The following SERPINB10 variants were observed in gnomAD, a reference collection of about 807,000 sequenced individuals.
SERPINB10 encodes serpin B10.
In SERPINB10, 35 loss-of-function variants were observed where a neutral mutation model predicts 39.1. The ratio of observed to expected loss-of-function variants is 0.90; its 90% CI spans 0.68 to 1.19. SERPINB10 has a LOEUF of 1.19. SERPINB10 is among the 50% of genes most tolerant of loss of function. The pLI, the probability that SERPINB10 is intolerant of heterozygous loss-of-function variation, is 0.00. For synonymous variants in SERPINB10, 190 were observed against 158.1 expected, an observed-to-expected ratio of 1.20 and a Z score of -1.52; for missense variants, 546 against 460.5, an observed-to-expected ratio of 1.19 and a Z score of -1.70.
At chr18:63,919,702 C>T in intron 4 of SERPINB10, 86 bp from the exon 5 acceptor site, 1 of 885,062 alleles carries the variant, frequency 1.1e-6, no homozygotes, top group East Asian at 2.7e-5. Context: ...TGCCCGCCTA[C>T]CTAGTTCTTT....
chr18:63,933,429 A>G (rs2050238648), intron 7 of SERPINB10, among the ~76,000 whole-genome samples: 1 of 152,310 alleles, frequency 6.6e-6, no homozygotes, highest in South Asian at 2.1e-4. Context: ...TGTTCCTCAG[A>G]AAGGTTAGGC....
intron 1 of SERPINB10, among the ~76,000 whole-genome samples, chr18:63,908,700 G>A (rs2144714540): frequency 6.6e-6 from 1 of 152,148 alleles, no homozygotes; most frequent in East Asian, 1.9e-4. Context: ...TAGGTGAATA[G>A]AGAGGTGCTG....
At chr18:63,918,463 A>T (rs1286405610) in intron 4 of SERPINB10, among the ~76,000 whole-genome samples, 7 of 152,018 alleles carry the variant, frequency 4.6e-5, no homozygotes, top group Non-Finnish European at 1.0e-4. Context: ...TGGGAACATG[A>T]AACATGAAAT....
At chr18:63,909,316 G>T (rs1322409559) in intron 1 of SERPINB10, among the ~76,000 whole-genome samples, 1 of 151,896 alleles carries the variant, frequency 6.6e-6, no homozygotes, top group African/African-American at 2.4e-5. Context: ...AAATATAATT[G>T]TCCAACATTT....
In SERPINB10 at chr18:63,930,177, G is replaced by A. The variant is rs1345265685; in HGVS notation, c.623G>A (p.Arg208Lys). 1 of 1,612,462 alleles carries A rather than the reference G, an allele frequency of 6.2e-7. No individual in the cohort carries two copies. The highest frequency in any genetic ancestry group is 8.5e-7 in the Non-Finnish European group (1 of 1,179,254). ...CAAAACACCACAGAAAAGCCTTTTA[G>A]AATAAACGAGGTAGGAAATTTTTAA... ...LVQNTTEKPF[R>K]INETTSKPVQ... The change falls in exon 6 of 8, where the codon AGA (arginine) becomes AAA (lysine). Residue 208 changes from arginine (R) to lysine (K), a missense_variant. By Grantham distance (26) the Arg-to-Lys change is conservative. Transcript: ENST00000238508.
rs145346731 is a variant in SERPINB10, at chr18:63,919,830, C to T, written c.415C>T (p.Gln139Ter). The change falls in exon 5 of 8, where the codon CAG becomes TAG. Residue 139 changes from glutamine (Q) to a stop codon, truncating the protein, a stop_gained. Transcript: ENST00000238508. LOFTEE classifies it high-confidence loss of function. The part of the protein sequence containing the change: ...DMKTYFGAEP[Q>*]PVNFVEASDQ... Reference sequence around the variant, plus strand: ...GAAAACATATTTTGGTGCAGAACCTCAGCCTGTTAACTTTGTGGAAGCTTC... The same window carrying T: ...GAAAACATATTTTGGTGCAGAACCTTAGCCTGTTAACTTTGTGGAAGCTTC... The T allele has an allele frequency of 1.3e-3, 2,155 of 1,609,300 alleles. 5 individuals are homozygous for T. The highest frequency in any genetic ancestry group is 1.6e-3 in the Non-Finnish European group (1,895 of 1,177,732).
At chr18:63,919,274 T>C (rs1186644405) in intron 4 of SERPINB10, among the ~76,000 whole-genome samples, 4 of 148,140 alleles carry the variant, frequency 2.7e-5, no homozygotes, top group African/African-American at 7.6e-5. Context: ...TAATATAACA[T>C]TCAACTCTGC....
chr18:63,920,039 A>G, intron 5 of SERPINB10, 134 bp downstream of exon 5: 1 of 485,592 alleles, frequency 2.1e-6, no homozygotes, highest in East Asian at 3.8e-5. Context: ...CAGAACATTT[A>G]TTTCTATTCA....
At chr18:63,911,842 A>G in intron 1 of SERPINB10, among the ~76,000 whole-genome samples, 1 of 152,106 alleles carries the variant, frequency 6.6e-6, no homozygotes, top group Non-Finnish European at 1.5e-5. Context: ...TGGAAATAGC[A>G]TTCCATCCGA....
intron 5 of SERPINB10, among the ~76,000 whole-genome samples, chr18:63,927,098 A>T (rs930267455): frequency 2.4e-4 from 37 of 151,472 alleles, no homozygotes; most frequent in Middle Eastern, 3.4e-3. Context: ...ATCTCATCTA[A>T]TTTTTTTTGC....
intron 5 of SERPINB10, among the ~76,000 whole-genome samples, chr18:63,924,046 T>G (rs777914838): frequency 6.6e-6 from 1 of 152,026 alleles, no homozygotes; most frequent in Non-Finnish European, 1.5e-5. Flanking sequence ...TATTGTTAAG[T>G]CTTTTTGCTG....
At position 63,914,152 on chromosome 18, in the gene SERPINB10, G is replaced by A. The variant is rs374533830; in HGVS notation, c.-9-1350G>A. Reference sequence around the variant, plus strand: ...TCCAACCACTTAGTTTAAGCCTATGGGTGTTATTACATGTGAAATGGGTCT... The same window carrying A: ...TCCAACCACTTAGTTTAAGCCTATGAGTGTTATTACATGTGAAATGGGTCT... On this transcript the variant is annotated intron_variant, in intron 1 of 7. Coordinates refer to ENST00000238508, the MANE Select transcript of SERPINB10 (RefSeq NM_005024.3). 9.2e-5 allele frequency among the ~76,000 whole-genome samples: 14 copies of A among 151,988 alleles called. 1 individual carries two copies. The highest frequency in any genetic ancestry group is 7.2e-4 in the Admixed American group (11 of 15,238).
chr18:63,932,805 T>G (rs998170250), intron 6 of SERPINB10, among the ~76,000 whole-genome samples: 1 of 152,262 alleles, frequency 6.6e-6, no homozygotes, highest in Non-Finnish European at 1.5e-5. Flanking sequence ...TACATGTTGC[T>G]GTGATTTATA....
chr18:63,921,984 C>A (rs1215237063), intron 5 of SERPINB10, among the ~76,000 whole-genome samples: 1 of 151,814 alleles, frequency 6.6e-6, no homozygotes, highest in Non-Finnish European at 1.5e-5. Context: ...GGCTAAACAT[C>A]CTCCTCTTTG....
At chr18:63,915,014 T>C (rs2050091057) in intron 1 of SERPINB10, among the ~76,000 whole-genome samples, 2 of 152,096 alleles carry the variant, frequency 1.3e-5, no homozygotes, top group Non-Finnish European at 2.9e-5. Context: ...TTAAAAATGG[T>C]AGTTACAGCC....
At chr18:63,932,925 C>A in intron 6 of SERPINB10, 123 bp from the exon 7 acceptor site, 3 of 854,444 alleles carry the variant, frequency 3.5e-6, no homozygotes, top group South Asian at 1.7e-5. Flanking sequence ...CTTTATTCAG[C>A]ATTTAGCAGA....
chr18:63,935,414 A>G lies in SERPINB10; in HGVS notation c.*172A>G. ...ATTCTAATGATCCTGTCATATCTGT[A>G]CAGCTGGAGAGAATGACGATTTTTA... On this transcript the variant is annotated 3_prime_UTR_variant, in exon 8 of 8. Transcript: ENST00000238508. The G allele has an allele frequency of 1.7e-6, 1 of 605,112 alleles. No individual in the cohort carries two copies. The highest frequency in any genetic ancestry group is 2.7e-6 in the Non-Finnish European group (1 of 369,806). The allele number at this position is 605,112 out of a possible 1,614,324, so 37.5% of individuals were successfully genotyped here.
chr18:63,933,486 T>G (rs1174835396), intron 7 of SERPINB10, among the ~76,000 whole-genome samples: 2 of 152,230 alleles, frequency 1.3e-5, no homozygotes, highest in African/African-American at 2.4e-5. Context: ...CATAGCCACA[T>G]GTACAACAGA....
chr18:63,912,019 T>A (rs183778930), intron 1 of SERPINB10, among the ~76,000 whole-genome samples: 1 of 146,150 alleles, frequency 6.8e-6, no homozygotes, highest in African/African-American at 2.8e-5. Context: ...TTCCTGGGTA[T>A]TTTATTTTAT....
Sources: allele counts gnomAD v4.1 joint callset (sites outside exome capture counted in the v4.1 genomes callset), GRCh38; gene constraint gnomAD v4.1.1; transcripts MANE v1.5; gene names NCBI Gene and HGNC (gene_info 2026-07-23, HGNC 2026-07-21).